The following LAMA4 variants were observed in gnomAD, a reference collection of about 807,000 sequenced individuals.
LAMA4 encodes laminin subunit alpha-4.
LAMA4 carries 127 observed loss-of-function variants against 207.1 expected under a neutral mutation model. That is an observed-to-expected ratio of 0.61 (90% CI 0.53 to 0.71). LAMA4 has a LOEUF of 0.71. Among genes scored for constraint, LAMA4 ranks in the 30% least tolerant of loss-of-function variants. LAMA4 has a pLI of 0.00. For synonymous variants in LAMA4, 761 were observed against 816.0 expected (o/e 0.93, Z 1.15); for missense variants, 2,093 against 2,246.5 (o/e 0.93, Z 1.38).
chr6:112,123,004 T>C (rs948244734), intron 31 of LAMA4, among the ~76,000 whole-genome samples: 10 of 152,156 alleles, frequency 6.6e-5, no homozygotes, highest in Non-Finnish European at 1.2e-4. Flanking sequence ...TTCCTGTTTT[T>C]TAAGGAACTG....
At position 112,144,721 on chromosome 6, in the gene LAMA4, T is replaced by C. The variant is rs183764378; in HGVS notation, c.2493+73A>G. 4.8e-5 allele frequency: 75 copies of C among 1,552,658 alleles called. No homozygotes were observed. The African/African-American group carries it at 9.5e-4, about 20-fold the overall frequency. On this transcript the variant is annotated intron_variant, in intron 19 of 38. Coordinates refer to ENST00000230538, the MANE Select transcript of LAMA4 (RefSeq NM_001105206.3). ...GCAGAAAGGTCCAGGCTCTGGAAGCTGCCCAAGCAGTTGGAGCTCAGCTTC... is the reference window on the plus strand; with the variant it reads ...GCAGAAAGGTCCAGGCTCTGGAAGCCGCCCAAGCAGTTGGAGCTCAGCTTC...
At chr6:112,141,295 T>C in intron 21 of LAMA4, 63 bp downstream of exon 21, 2 of 1,442,710 alleles carry the variant, frequency 1.4e-6, no homozygotes, top group Non-Finnish European at 2.0e-6. Context: ...CACGCACATG[T>C]GCACGTTCAA....
intron 2 of LAMA4, among the ~76,000 whole-genome samples, chr6:112,231,801 C>T (rs1305202791): frequency 6.6e-6 from 1 of 152,132 alleles, no homozygotes; most frequent in African/African-American, 2.4e-5. Context: ...AATAAAATAC[C>T]ATCACTGCAA....
intron 31 of LAMA4, among the ~76,000 whole-genome samples, chr6:112,124,264 C>G (rs1046278757): frequency 5.3e-5 from 8 of 152,134 alleles, no homozygotes; most frequent in Non-Finnish European, 5.9e-5. Context: ...GTCAGTGTAT[C>G]CACTTAGCTC....
At chr6:112,193,058 TCTAAA>T (rs1162766042) in intron 5 of LAMA4, among the ~76,000 whole-genome samples, 3 of 152,190 alleles carry the variant, frequency 2.0e-5, no homozygotes, top group African/African-American at 7.2e-5. Flanking sequence ...TGCTGTGGAC[TCTAAA>T]CTAGTGTGGA....
At chr6:112,185,657 CCTGGGTGT>C (rs1782642622) in intron 8 of LAMA4, among the ~76,000 whole-genome samples, 2 of 152,056 alleles carry the variant, frequency 1.3e-5, no homozygotes, top group Admixed American at 6.5e-5. Context: ...TGGTGGTGGC[CCTGGGTGT>C]CTGAGCTTTA....
intron 3 of LAMA4, 56 bp downstream of exon 3, chr6:112,216,312 C>T (rs1321652208): frequency 1.7e-6 from 2 of 1,150,828 alleles, no homozygotes; most frequent in East Asian, 2.3e-5. Flanking sequence ...TTTATCTTCA[C>T]CCAAGATGCA....
intron 29 of LAMA4, chr6:112,130,259 G>A (rs113167347): frequency 1.3e-5 from 7 of 559,516 alleles, no homozygotes; most frequent in African/African-American, 3.8e-5. Context: ...ATTTAAACCC[G>A]TAAGGCAAGA....
Position 112,141,397 on chromosome 6 carries a change from C to G in LAMA4, c.2774G>C (p.Ser925Thr). The G allele has an allele frequency of 1.2e-6, 2 of 1,614,104 alleles. No individual in the cohort carries two copies. The highest frequency in any genetic ancestry group is 1.7e-6 in the Non-Finnish European group (2 of 1,179,982). Residue 925 changes from serine (S) to threonine (T), a missense_variant, in exon 21 of 39, where the codon AGT (serine) becomes ACT (threonine). Coordinates refer to ENST00000230538, the MANE Select transcript of LAMA4 (RefSeq NM_001105206.3). ...AATGCTGAAGTAAGCAGGCCAGGAA[C>G]TGACGGGCTTGGAGTCCAGGGGAAT... ...VEIPLDSKPV[S>T]SWPAYFSIVK...
At chr6:112,191,323 G>A (rs2114963765) in intron 6 of LAMA4, among the ~76,000 whole-genome samples, 1 of 152,222 alleles carries the variant, frequency 6.6e-6, no homozygotes, top group Admixed American at 6.5e-5. Context: ...GTTAATGGCA[G>A]GTAATCCATA....
At chr6:112,190,900 T>TTTC (rs1554348441) in intron 6 of LAMA4, among the ~76,000 whole-genome samples, 2 of 83,548 alleles carry the variant, frequency 2.4e-5, no homozygotes, top group African/African-American at 9.2e-5. Context: ...TCTTTCTTTC[T>TTTC]TTCTTTCTTT....
At chr6:112,225,692 A>G (rs1785172722) in intron 2 of LAMA4, among the ~76,000 whole-genome samples, 2 of 152,214 alleles carry the variant, frequency 1.3e-5, no homozygotes, top group Non-Finnish European at 2.9e-5. Flanking sequence ...CTGTAGGACT[A>G]GGAGTTCTCC....
chr6:112,131,217 CT>C (rs1314501795), intron 28 of LAMA4, 116 bp from the exon 29 acceptor site: 1 of 927,624 alleles, frequency 1.1e-6, no homozygotes, highest in East Asian at 2.5e-5. Context: ...AGGAAATTTG[CT>C]TGTAAAATAA....
rs376195272 is a variant in LAMA4, at chr6:112,122,159, G to A, written c.4330C>T (p.Leu1444=). 14 of 1,613,706 alleles carry A rather than the reference G, an allele frequency of 8.7e-6. No individual in the cohort carries two copies. The highest frequency in any genetic ancestry group is 4.0e-5 in the African/African-American group (3 of 74,882). The change falls in exon 32 of 39, where the codon CTG becomes TTG. Residue 1444 remains leucine, a synonymous_variant. Coordinates refer to ENST00000230538, the MANE Select transcript of LAMA4 (RefSeq NM_001105206.3). The part of the protein sequence containing the change: ...KDAPSWDPVA[L]KLPERNTPRN... ...GGAGTATTCCGCTCTGGGAGTTTCA[G>A]AGCAACAGGATCCCATGAAGGTGCA...
chr6:112,145,979 T>C (rs1554334444), intron 18 of LAMA4, among the ~76,000 whole-genome samples: 1 of 152,090 alleles, frequency 6.6e-6, no homozygotes, highest in Admixed American at 6.6e-5. Flanking sequence ...CTCTTCTATG[T>C]TTTCTAAACA....
At chr6:112,208,427 T>G (rs1784187603) in intron 3 of LAMA4, among the ~76,000 whole-genome samples, 1 of 152,224 alleles carries the variant, frequency 6.6e-6, no homozygotes, top group Admixed American at 6.5e-5. Context: ...ACAACAATCC[T>G]GAAGTAGGTT....
At chr6:112,188,965 C>G in intron 7 of LAMA4, 145 bp downstream of exon 7, 1 of 666,538 alleles carries the variant, frequency 1.5e-6, no homozygotes, top group Non-Finnish European at 2.7e-6. Context: ...GGTGCAGGCT[C>G]CATTTGCTGA....
chr6:112,157,129 C>T (rs1780765731), intron 14 of LAMA4, among the ~76,000 whole-genome samples: 1 of 152,148 alleles, frequency 6.6e-6, no homozygotes, highest in Admixed American at 6.5e-5. Flanking sequence ...ACCTGTTCCT[C>T]CCCACAACCC....
chr6:112,168,340 G>A (rs1466706397), intron 12 of LAMA4, among the ~76,000 whole-genome samples: 1 of 128,964 alleles, frequency 7.8e-6, no homozygotes, highest in Non-Finnish European at 1.8e-5. Flanking sequence ...CTGGCAGCTA[G>A]TGTTCTTTTT....
Sources: allele counts gnomAD v4.1 joint callset (sites outside exome capture counted in the v4.1 genomes callset), GRCh38; gene constraint gnomAD v4.1.1; transcripts MANE v1.5; gene names NCBI Gene and HGNC (gene_info 2026-07-23, HGNC 2026-07-21).